Variants in MYO18B observed in about 807,000 individuals in gnomAD.
The protein encoded by MYO18B is unconventional myosin-XVIIIb.
A neutral mutation model predicts 273.0 loss-of-function variants in MYO18B; 204 were observed. The ratio of observed to expected loss-of-function variants is 0.75; its 90% CI spans 0.67 to 0.84. MYO18B has a LOEUF of 0.84. MYO18B is among the 40% of genes least tolerant of loss of function. MYO18B has a pLI of 0.00. For synonymous variants in MYO18B, 1,330 were observed against 1,305.7 expected (o/e 1.02, Z -0.40); for missense variants, 3,212 against 3,287.6 (o/e 0.98, Z 0.56).
chr22:25,806,410 G>T (rs2088480419), intron 12 of MYO18B, among the ~76,000 whole-genome samples: 1 of 152,106 alleles, frequency 6.6e-6, no homozygotes, highest in African/African-American at 2.4e-5. Flanking sequence ...GCTGGCCTTT[G>T]GATCTTAGAA....
chr22:25,760,627 C>CCTGTT (rs2086282406), intron 1 of MYO18B, among the ~76,000 whole-genome samples: 1 of 152,068 alleles, frequency 6.6e-6, no homozygotes, highest in Admixed American at 6.6e-5. Flanking sequence ...ATTAGATTTG[C>CCTGTT]CTGTTCTTGA....
chr22:25,956,279 G>A (rs776070595), intron 39 of MYO18B, among the ~76,000 whole-genome samples: 2 of 150,242 alleles, frequency 1.3e-5, no homozygotes, highest in Non-Finnish European at 2.9e-5. Flanking sequence ...GCAGTGGCAC[G>A]ATCTCAGCTC....
intron 39 of MYO18B, among the ~76,000 whole-genome samples, chr22:25,956,997 G>C (rs1436155524): frequency 1.3e-5 from 2 of 152,184 alleles, no homozygotes; most frequent in African/African-American, 2.4e-5. Context: ...CCCAGACAAA[G>C]TCCAGGCCTC....
chr22:25,927,274 G>A (rs2092434845), intron 34 of MYO18B, among the ~76,000 whole-genome samples: 1 of 152,296 alleles, frequency 6.6e-6, no homozygotes, highest in Non-Finnish European at 1.5e-5. Flanking sequence ...GCAAATGGGA[G>A]AAATATCGCT....
At chr22:25,987,902 C>T (rs2093219449) in intron 39 of MYO18B, among the ~76,000 whole-genome samples, 1 of 152,172 alleles carries the variant, frequency 6.6e-6, no homozygotes, top group Non-Finnish European at 1.5e-5. Flanking sequence ...TTTCTGCTAT[C>T]TATGCATCTA....
intron 14 of MYO18B, 143 bp downstream of exon 14, chr22:25,826,642 C>T (rs371531531): frequency 1.4e-5 from 9 of 651,150 alleles, no homozygotes; most frequent in African/African-American, 7.2e-5. Flanking sequence ...TAACTTCTAC[C>T]TTGGCCACCC....
intron 40 of MYO18B, among the ~76,000 whole-genome samples, chr22:25,997,978 C>CACACACGAGAGAGAGAGAGA (rs34431605): frequency 2.1e-5 from 3 of 144,640 alleles, no homozygotes; most frequent in Non-Finnish European, 3.0e-5. Flanking sequence ...CACACACACA[C>CACACACGAGAGAGAGAGAGA]GAGAGAGAGA....
intron 12 of MYO18B, among the ~76,000 whole-genome samples, chr22:25,804,789 A>G (rs765954863): frequency 6.6e-5 from 10 of 152,322 alleles, no homozygotes; most frequent in Middle Eastern, 3.4e-3. Context: ...CGGCAGCGAG[A>G]AGGCTCCTGA....
At chr22:26,039,567 A>G in the MYO18B span, among the ~76,000 whole-genome samples, 1 of 152,064 alleles carries the variant, frequency 6.6e-6, no homozygotes, top group Non-Finnish European at 1.5e-5. Flanking sequence ...ATGCTGCCAC[A>G]GCCTCCTACA....
chr22:25,787,755 A>G (rs958287061), intron 11 of MYO18B, among the ~76,000 whole-genome samples: 2 of 152,076 alleles, frequency 1.3e-5, no homozygotes, highest in African/African-American at 4.8e-5. Context: ...CAGCTTCTTT[A>G]CTTGGGGGAC....
chr22:25,744,989 C>T (rs1165698456), intron 1 of MYO18B, among the ~76,000 whole-genome samples: 1 of 152,142 alleles, frequency 6.6e-6, no homozygotes, highest in African/African-American at 2.4e-5. Flanking sequence ...CAACCACGAG[C>T]CCCTTATGTT....
intron 40 of MYO18B, among the ~76,000 whole-genome samples, chr22:25,997,398 A>C (rs1333439188): frequency 6.6e-6 from 1 of 152,060 alleles, no homozygotes; most frequent in Non-Finnish European, 1.5e-5. Flanking sequence ...CAGTAACACA[A>C]GAGCATTAAA....
rs373113816 is a variant in MYO18B, at chr22:25,828,910, G to A, written c.2921G>A (p.Arg974His). Residue 974 changes from arginine (R) to histidine (H), a missense_variant, in exon 15 of 44, where the codon CGC becomes CAC. Physicochemically the swap from Arg to His is conservative, Grantham distance 29. Transcript: ENST00000335473. ...EELCHNYAHE[R>H]LQLLFYQRTF... ...CTGTGCCACAACTACGCCCATGAGC[G>A]CCTGCAGCTGCTGTTCTACCAGCGG... 33 of 1,613,856 alleles carry A rather than the reference G, an allele frequency of 2.0e-5. No individual in the cohort carries two copies. The highest frequency in any genetic ancestry group is 3.3e-4 in the Middle Eastern group (2 of 6,084).
chr22:25,804,742 A>G (rs2088385990), intron 12 of MYO18B, among the ~76,000 whole-genome samples: 2 of 152,200 alleles, frequency 1.3e-5, no homozygotes, highest in African/African-American at 4.8e-5. Context: ...CTCAGCCTGG[A>G]TGTCAGGGGG....
chr22:25,846,412 A>T, intron 19 of MYO18B, 129 bp downstream of exon 19: 5 of 1,012,866 alleles, frequency 4.9e-6, no homozygotes, highest in Non-Finnish European at 5.7e-6. Context: ...GTGTCACCCC[A>T]CGCTCCACAG....
chr22:25,892,973 G>T (rs1309057388), intron 27 of MYO18B, among the ~76,000 whole-genome samples: 1 of 152,168 alleles, frequency 6.6e-6, no homozygotes, highest in East Asian at 1.9e-4. Context: ...ATGAGAGGGG[G>T]ACATGTGCTT....
At chr22:26,043,865 A>T in the MYO18B span, among the ~76,000 whole-genome samples, 1 of 151,938 alleles carries the variant, frequency 6.6e-6, no homozygotes, top group African/African-American at 2.4e-5. Flanking sequence ...TCAGGCTGGC[A>T]TTGAACTCCT....
chr22:25,798,492 A>G (rs1569035207), intron 12 of MYO18B, among the ~76,000 whole-genome samples: 1 of 152,292 alleles, frequency 6.6e-6, no homozygotes, highest in African/African-American at 2.4e-5. Flanking sequence ...CTGGCAGTAC[A>G]GTAGGGCAGC....
chr22:25,816,073 T>C (rs922838273), intron 12 of MYO18B, among the ~76,000 whole-genome samples: 19 of 152,226 alleles, frequency 1.2e-4, no homozygotes, highest in African/African-American at 4.3e-4. Context: ...CAGCAGGACC[T>C]GGAAGGAGCC....
Sources: allele counts gnomAD v4.1 joint callset (sites outside exome capture counted in the v4.1 genomes callset), GRCh38; gene constraint gnomAD v4.1.1; transcripts MANE v1.5; gene names NCBI Gene and HGNC (gene_info 2026-07-23, HGNC 2026-07-21).